SLF1: variants seen among roughly 807,000 people sequenced by gnomAD.
The protein encoded by SLF1 is SMC5-SMC6 complex localization factor protein 1.
A neutral mutation model predicts 123.0 loss-of-function variants in SLF1; 105 were observed. The observed-to-expected ratio is 0.85, with a 90% CI of 0.73 to 1.00. SLF1 has a LOEUF of 1.00. Among genes scored for constraint, SLF1 ranks in the 50% least tolerant of loss-of-function variants. SLF1 has a pLI of 0.00. For synonymous variants in SLF1, 434 were observed against 406.6 expected (o/e 1.07, Z -0.81); for missense variants, 1,239 against 1,223.0 (o/e 1.01, Z -0.20).
chr5:94,680,829 A>G (rs982943507), intron 15 of SLF1, among the ~76,000 whole-genome samples: 3 of 152,192 alleles, frequency 2.0e-5, no homozygotes, highest in Admixed American at 1.3e-4. Context: ...CAGTTTTCAC[A>G]TGACATGTGT....
Position 94,695,247 on chromosome 5 carries a change from G to T in SLF1, c.3112G>T (p.Val1038Leu), listed in dbSNP as rs1279038058. ...TGAGAATTTGAAAGTGTGTCCTGGG[G>T]TACACACTGAGGCCTTGATGATAAC... ...LPENLKVCPG[V>L]HTEALMITLE... Residue 1038 changes from valine (V) to leucine (L), a missense_variant, in exon 21 of 21, where the codon GTA becomes TTA. Coordinates refer to ENST00000265140, the MANE Select transcript of SLF1 (RefSeq NM_032290.4). 5 of 1,612,276 alleles carry T rather than the reference G, an allele frequency of 3.1e-6. No individual in the cohort carries two copies. In the East Asian group the frequency reaches 1.1e-4, roughly 36 times the overall value.
chr5:94,640,099 GT>G (rs1166486898), intron 4 of SLF1, among the ~76,000 whole-genome samples: 1 of 152,106 alleles, frequency 6.6e-6, no homozygotes, highest in East Asian at 1.9e-4. Flanking sequence ...CCTGGCATTA[GT>G]TTCTTTGTGT....
intron 15 of SLF1, among the ~76,000 whole-genome samples, chr5:94,684,484 G>A (rs1752157828): frequency 6.6e-6 from 1 of 151,932 alleles, no homozygotes; most frequent in South Asian, 2.1e-4. Context: ...AGATCACAAG[G>A]TCAGGAGATT....
At position 94,627,974 on chromosome 5, in the gene SLF1, C is replaced by T. The variant is rs545247847; in HGVS notation, c.1-837C>T. ...CCTCCCGAGTAGCTGGGATTACAGA[C>T]GTGCCGCCACGCTGGGCTAATTTTG... is the stretch of plus-strand genomic sequence containing the variant. On this transcript the variant is annotated intron_variant, in intron 1 of 20. Transcript: ENST00000265140. 5.9e-5 allele frequency among the ~76,000 whole-genome samples: 9 copies of T among 151,782 alleles called. No individual in the cohort carries two copies. In the South Asian group the frequency reaches 1.7e-3, roughly 28 times the overall value.
At chr5:94,621,600 T>C (rs1791792578) in intron 1 of SLF1, among the ~76,000 whole-genome samples, 1 of 152,192 alleles carries the variant, frequency 6.6e-6, no homozygotes, top group African/African-American at 2.4e-5. Context: ...CTTTCCTCTC[T>C]TGACCAACTT....
In SLF1 at chr5:94,691,599, C is replaced by G. The variant is rs1753060028; in HGVS notation, c.2455C>G (p.Gln819Glu). The change falls in exon 19 of 21, where the codon CAA (glutamine) becomes GAA (glutamate). Residue 819 changes from glutamine to glutamate, a missense_variant. Gln to Glu is a conservative substitution (Grantham distance 29). Transcript: ENST00000265140. ...TALHRACINNQVEKLILLLSL... is the reference protein window; with the variant it reads ...TALHRACINNEVEKLILLLSL... Reference sequence around the variant, plus strand: ...CCTGCATAGAGCTTGCATAAATAACCAAGTGGAGAAATTGATTCTTCTTCT... The same window carrying G: ...CCTGCATAGAGCTTGCATAAATAACGAAGTGGAGAAATTGATTCTTCTTCT... 6.2e-7 allele frequency: 1 copy of G among 1,610,974 alleles called. No homozygotes were observed. The highest frequency in any genetic ancestry group is 1.3e-5 in the African/African-American group (1 of 74,654).
chr5:94,623,763 T>G (rs1161703088), intron 1 of SLF1, among the ~76,000 whole-genome samples: 2 of 152,144 alleles, frequency 1.3e-5, no homozygotes, highest in Non-Finnish European at 1.5e-5. Context: ...CCAATTATAG[T>G]GCTCTTTTTG....
rs945889282 is a variant in SLF1 at position 94,666,043 on chromosome 5, GA to G, written c.1532+20del. The G allele has an allele frequency of 6.5e-7, 1 of 1,529,570 alleles. No homozygotes were observed. The highest frequency in any genetic ancestry group is 1.4e-5 in the African/African-American group (1 of 72,442). The allele number at this position is 1,529,570 out of a possible 1,614,324, so 94.7% of individuals were successfully genotyped here. A position where few individuals can be genotyped will look rare whatever the true frequency, so the allele number is the denominator to read the frequency against. On this transcript the variant is annotated intron_variant, in intron 12 of 20. Transcript: ENST00000265140. ...TTATCAGGTAAGGAATTTCACATTT[GA>G]CGATGCTACATTTCATTGAGTAGTT...
intron 15 of SLF1, among the ~76,000 whole-genome samples, chr5:94,680,000 A>G (rs535477961): frequency 2.0e-5 from 3 of 152,134 alleles, no homozygotes; most frequent in African/African-American, 7.2e-5. Flanking sequence ...AAACCAAGTA[A>G]GTTTTTTTGT....
At chr5:94,658,188 A>G (rs1585167197) in intron 9 of SLF1, among the ~76,000 whole-genome samples, 1 of 136,000 alleles carries the variant, frequency 7.4e-6, no homozygotes, top group Non-Finnish European at 1.6e-5. Context: ...TATTGGTGAC[A>G]TTTGGCTCTT....
At chr5:94,647,154 T>C (rs1313572376) in intron 5 of SLF1, among the ~76,000 whole-genome samples, 5 of 152,214 alleles carry the variant, frequency 3.3e-5, no homozygotes, top group Non-Finnish European at 5.9e-5. Flanking sequence ...TTGAGTATTA[T>C]TAGATTTCCA....
At chr5:94,647,601 TG>T (rs1478961312) in intron 5 of SLF1, among the ~76,000 whole-genome samples, 3 of 152,232 alleles carry the variant, frequency 2.0e-5, no homozygotes, top group African/African-American at 7.2e-5. Flanking sequence ...AGTCTTGGAC[TG>T]GCTTTCCTAG....
At chr5:94,691,316 T>G in intron 18 of SLF1, 1 of 432,644 alleles carries the variant, frequency 2.3e-6, no homozygotes, top group Non-Finnish European at 4.1e-6. Context: ...GTGTTAAACC[T>G]TTTGCAGTAG....
chr5:94,684,123 A>C (rs1752119869), intron 15 of SLF1, among the ~76,000 whole-genome samples: 1 of 152,098 alleles, frequency 6.6e-6, no homozygotes, highest in East Asian at 1.9e-4. Flanking sequence ...TCCATTTGTA[A>C]ATTTCAATGT....
intron 5 of SLF1, among the ~76,000 whole-genome samples, chr5:94,645,610 TA>T (rs558107469): frequency 2.0e-4 from 31 of 152,240 alleles, no homozygotes; most frequent in Non-Finnish European, 4.1e-4. Context: ...GTGCAACATA[TA>T]CCATGCATTA....
At chr5:94,656,070 G>A (rs1748341975) in intron 9 of SLF1, among the ~76,000 whole-genome samples, 1 of 151,966 alleles carries the variant, frequency 6.6e-6, no homozygotes, top group Non-Finnish European at 1.5e-5. Flanking sequence ...TTTCACATAA[G>A]GTAGCTATAG....
intron 2 of SLF1, 63 bp downstream of exon 2, chr5:94,628,987 C>G (rs1744916276): frequency 7.1e-7 from 1 of 1,411,480 alleles, no homozygotes; most frequent in Middle Eastern, 1.8e-4. Context: ...AAATACTGGC[C>G]TAAGAATGAT....
intron 10 of SLF1, among the ~76,000 whole-genome samples, chr5:94,662,980 A>G (rs1749309600): frequency 1.3e-5 from 2 of 152,226 alleles, no homozygotes; most frequent in African/African-American, 4.8e-5. Context: ...GTACAACCTC[A>G]GAGTGATTTT....
chr5:94,676,908 A>G (rs144424335), intron 14 of SLF1, among the ~76,000 whole-genome samples: 77 of 152,336 alleles, frequency 5.1e-4, no homozygotes, highest in African/African-American at 1.8e-3. Flanking sequence ...TTGAATATAC[A>G]TATAAGAAAT....
Sources: allele counts gnomAD v4.1 joint callset (sites outside exome capture counted in the v4.1 genomes callset), GRCh38; gene constraint gnomAD v4.1.1; transcripts MANE v1.5; gene names NCBI Gene and HGNC (gene_info 2026-07-23, HGNC 2026-07-21).